CHD2: variants seen among roughly 807,000 people sequenced by gnomAD.
CHD2 encodes the protein ATP-dependent chromatin remodeler CHD2.
Under a neutral mutation model 243.9 loss-of-function variants are expected in CHD2, and 28 were observed. The observed-to-expected ratio is 0.11, with a 90% CI of 0.09 to 0.16. The LOEUF is 0.16. Ranked by LOEUF, CHD2 falls within the 10% of genes least tolerant of loss-of-function variation. The pLI is 1.00. For synonymous variants in CHD2, 775 were observed against 779.0 expected (o/e 0.99, Z 0.09); for missense variants, 1,386 against 2,209.8 (o/e 0.63, Z 7.47).
intron 7 of CHD2, among the ~76,000 whole-genome samples, chr15:92,941,293 A>G (rs1007728852): frequency 3.9e-5 from 6 of 152,044 alleles, no homozygotes; most frequent in Non-Finnish European, 8.8e-5. Flanking sequence ...CGCCTAGCCA[A>G]TATGTTTCTT....
intron 16 of CHD2, among the ~76,000 whole-genome samples, chr15:92,961,123 G>C (rs894659687): frequency 6.6e-6 from 1 of 152,116 alleles, no homozygotes; most frequent in Non-Finnish European, 1.5e-5. Flanking sequence ...AAATGAATTG[G>C]AGAGCGTTTC....
At chr15:92,975,145 T>C (rs2053890687) in intron 20 of CHD2, among the ~76,000 whole-genome samples, 195 bp downstream of exon 20, 2 of 152,304 alleles carry the variant, frequency 1.3e-5, no homozygotes, top group South Asian at 4.1e-4. Flanking sequence ...TGCTTATTTA[T>C]CTCCCCTGTT....
intron 9 of CHD2, chr15:92,943,473 T>C (rs569499944): frequency 1.0e-5 from 2 of 199,004 alleles, no homozygotes; most frequent in Non-Finnish European, 2.1e-5. Context: ...GTAGTTAGGC[T>C]GGGGTGGCTT....
At chr15:92,985,699 A>T (rs760578870) in intron 26 of CHD2, 26 bp downstream of exon 26, 1 of 1,594,062 alleles carries the variant, frequency 6.3e-7, no homozygotes, top group African/African-American at 1.3e-5. Flanking sequence ...GTTCTCACTG[A>T]GCTTGTTTGA....
At chr15:92,981,307 A>G (rs1360886384) in intron 23 of CHD2, 58 bp from the exon 24 acceptor site, 4 of 1,201,096 alleles carry the variant, frequency 3.3e-6, no homozygotes, top group Non-Finnish European at 4.9e-6. Flanking sequence ...TTTCTGGGCA[A>G]CTAGGCAACT....
chr15:92,965,926 G>T (rs1251892414), intron 16 of CHD2, among the ~76,000 whole-genome samples: 4 of 152,060 alleles, frequency 2.6e-5, no homozygotes, highest in Admixed American at 2.0e-4. Context: ...TATTGAAATT[G>T]TCTCTCAGGT....
chr15:92,944,978 A>G (rs1461479700), intron 10 of CHD2: 1 of 152,372 alleles, frequency 6.6e-6, no homozygotes, highest in Non-Finnish European at 1.5e-5. Context: ...ATTGAACAGG[A>G]CCATCAGAAA....
intron 3 of CHD2, among the ~76,000 whole-genome samples, chr15:92,925,687 G>A (rs1273686384): frequency 6.6e-6 from 1 of 152,096 alleles, no homozygotes; most frequent in East Asian, 1.9e-4. Flanking sequence ...TTTTCAGAGT[G>A]TTTTATGTTT....
Position 92,998,429 on chromosome 15 carries a change from C to T in CHD2, c.3886-70C>T. 1 of 1,577,936 alleles carries T rather than the reference C, an allele frequency of 6.3e-7. No homozygotes were observed. The highest frequency in any genetic ancestry group is 1.1e-5 in the South Asian group (1 of 87,408). ...AAGGACTGTGCTCAGTTTTTGTTGT[C>T]TCTGTTTATCCTGATCCACTAACCA... On this transcript the variant is annotated intron_variant, in intron 30 of 38. Transcript: ENST00000394196. This position sits in a 1 kb window ranked among gnomAD's most constrained non-coding sequence, Gnocchi z 5.1.
At chr15:92,983,339 T>C (rs939081299) in intron 24 of CHD2, among the ~76,000 whole-genome samples, 3 of 152,232 alleles carry the variant, frequency 2.0e-5, no homozygotes, top group Admixed American at 2.0e-4. Context: ...TTAACCACGA[T>C]GTCCCTTTTG....
intron 37 of CHD2, among the ~76,000 whole-genome samples, chr15:93,019,611 C>T (rs1377266779): frequency 1.3e-5 from 2 of 152,104 alleles, no homozygotes; most frequent in African/African-American, 4.8e-5. Flanking sequence ...TGGAACAATA[C>T]AGAGAAGATT....
At chr15:92,909,776 G>A (rs1042763377) in intron 2 of CHD2, among the ~76,000 whole-genome samples, 3 of 151,742 alleles carry the variant, frequency 2.0e-5, no homozygotes, top group African/African-American at 7.3e-5. Context: ...CTAGACCTCC[G>A]AAAGTGCTGG....
At chr15:93,010,047 G>A (rs1378878801) in intron 35 of CHD2, among the ~76,000 whole-genome samples, 3 of 152,098 alleles carry the variant, frequency 2.0e-5, no homozygotes, top group Admixed American at 6.6e-5. Context: ...CCCAGAGTCC[G>A]TTATATCATT....
Position 93,026,877 on chromosome 15 carries a change from C to T in CHD2, c.*2172C>T, listed in dbSNP as rs1026075773. 1 of 152,694 alleles carries T rather than the reference C, an allele frequency of 6.5e-6. No homozygotes were observed. Among genetic ancestry groups the T allele is most frequent in the Admixed American group, 6.5e-5 (1 of 15,286 alleles). The allele number at this position is 152,694 out of a possible 1,614,324, so 9.5% of individuals were successfully genotyped here. On this transcript the variant is annotated 3_prime_UTR_variant, in exon 39 of 39. Coordinates refer to ENST00000394196, the MANE Select transcript of CHD2 (RefSeq NM_001271.4). ...GGAATGAAAGGAGGGGCAAAGGAGT[C>T]ACCAGAGGTCCTGCATTTCCATCAG...
At chr15:92,956,166 G>GT (rs373546325) in intron 15 of CHD2, among the ~76,000 whole-genome samples, 8 of 152,152 alleles carry the variant, frequency 5.3e-5, no homozygotes, top group African/African-American at 1.7e-4. Flanking sequence ...TGGTTTTTTT[G>GT]TTTTATTTTT....
chr15:93,004,777 A>C, intron 34 of CHD2, 26 bp downstream of exon 34: 1 of 1,605,904 alleles, frequency 6.2e-7, no homozygotes, highest in Non-Finnish European at 8.5e-7. Context: ...GGGGGGTGCC[A>C]GTGTCTGCAG....
intron 26 of CHD2, among the ~76,000 whole-genome samples, chr15:92,990,132 A>C (rs999684297): frequency 6.6e-6 from 1 of 152,214 alleles, no homozygotes; most frequent in African/African-American, 2.4e-5. Context: ...AATAAAGACA[A>C]GCCTGAGAAT....
intron 4 of CHD2, among the ~76,000 whole-genome samples, chr15:92,927,968 G>T (rs573931719): frequency 6.6e-6 from 1 of 152,154 alleles, no homozygotes; most frequent in Non-Finnish European, 1.5e-5. Context: ...TATTTTTGTG[G>T]ATTCTTATTC....
intron 2 of CHD2, among the ~76,000 whole-genome samples, chr15:92,905,641 GT>G (rs1412923371): frequency 6.6e-6 from 1 of 152,194 alleles, no homozygotes. Context: ...ATGATAGTGA[GT>G]TTTGTAGGTT....
Sources: gnomAD v4.1 joint callset for allele counts (sites outside exome capture counted in the v4.1 genomes callset) on GRCh38, gnomAD v4.1.1 for gene constraint, Gnocchi (gnomAD v3.1) non-coding constraint, MANE v1.5 for transcripts, NCBI Gene and HGNC (gene_info 2026-07-23, HGNC 2026-07-21) for gene names.